MYO10: variants seen among roughly 807,000 people sequenced by gnomAD.
MYO10 encodes the protein unconventional myosin-X.
In MYO10, 133 loss-of-function variants were observed where a neutral mutation model predicts 257.3. That is an observed-to-expected ratio of 0.52 (90% CI 0.45 to 0.60). The LOEUF is 0.60. Ranked by LOEUF, MYO10 falls within the 20% of genes least tolerant of loss-of-function variation. The pLI, the probability that MYO10 is intolerant of heterozygous loss-of-function variation, is 0.00. For synonymous variants in MYO10, 1,104 were observed against 1,028.6 expected (o/e 1.07, Z -1.40); for missense variants, 2,399 against 2,635.7 (o/e 0.91, Z 1.97).
At chr5:16,787,680 T>C (rs1351055825) in intron 4 of MYO10, among the ~76,000 whole-genome samples, 5 of 137,896 alleles carry the variant, frequency 3.6e-5, no homozygotes, top group African/African-American at 1.4e-4. Flanking sequence ...CCCAAAGCAC[T>C]GATGGGGGGC....
chr5:16,666,402 C>A lies in MYO10; in HGVS notation c.*290G>T. 2.9e-6 allele frequency: 1 copy of A among 346,508 alleles called. No individual in the cohort carries two copies. Among genetic ancestry groups the A allele is most frequent in the Non-Finnish European group, 5.2e-6 (1 of 192,168 alleles). 21.5% of individuals were successfully genotyped at this position (346,508 alleles called of 1,614,324 possible). On this transcript the variant is annotated 3_prime_UTR_variant, in exon 41 of 41. Transcript: ENST00000513610. Reference sequence around the variant, plus strand: ...GTTGGTTCCACAAGTTAAGGCACTTCCGGCTGCTTTGGTGGCAGCGTGGTT... The same window carrying A: ...GTTGGTTCCACAAGTTAAGGCACTTACGGCTGCTTTGGTGGCAGCGTGGTT...
chr5:16,761,396 G>A, intron 17 of MYO10, 68 bp downstream of exon 17: 1 of 1,255,094 alleles, frequency 8.0e-7, no homozygotes, highest in Non-Finnish European at 1.2e-6. Flanking sequence ...CTATATTTGT[G>A]AATTAAAAGC....
chr5:16,874,342 AGC>A (rs1240962018), intron 2 of MYO10, among the ~76,000 whole-genome samples: 160 of 4,966 alleles, frequency 0.032, 6 homozygotes, highest in African/African-American at 0.068. Context: ...TAAAAAAAAA[AGC>A]GGGGGGGGGG....
chr5:16,905,785 A>G (rs1745503253), intron 1 of MYO10, among the ~76,000 whole-genome samples: 1 of 152,192 alleles, frequency 6.6e-6, no homozygotes, highest in Non-Finnish European at 1.5e-5. Flanking sequence ...TCCTGATTGC[A>G]AAGATCAGGA....
chr5:16,777,839 CTT>C lies in MYO10; in HGVS notation c.930+1704_930+1705del, dbSNP rs61326508. 4.0e-3 allele frequency among the ~76,000 whole-genome samples: 354 copies of C among 88,422 alleles called. 13 individuals carry two copies. The highest frequency in any genetic ancestry group is 8.6e-3 in the East Asian group (20 of 2,334). 58.0% of individuals were successfully genotyped at this position (88,422 alleles called of 152,430 possible). A position where few individuals can be genotyped will look rare whatever the true frequency, so the allele number is the denominator to read the frequency against. ...GCCACCCTAGGTGCATTGCATCTAA[CTT>C]TTTTTTTTTTTTTTTTTTTTTTTTT... On this transcript the variant is annotated intron_variant, in intron 9 of 40. Transcript: ENST00000513610.
intron 1 of MYO10, among the ~76,000 whole-genome samples, chr5:16,924,830 CTTTT>C (rs35010705): frequency 1.6e-5 from 2 of 124,368 alleles, no homozygotes; most frequent in Non-Finnish European, 3.2e-5. Flanking sequence ...CACTTTATCA[CTTTT>C]TTTTTTTTTT....
At chr5:16,816,205 A>G (rs1742602137) in intron 3 of MYO10, among the ~76,000 whole-genome samples, 1 of 151,784 alleles carries the variant, frequency 6.6e-6, no homozygotes. Flanking sequence ...TGGGCGTGGT[A>G]GCACACGCCT....
At position 16,874,349 on chromosome 5, in the gene MYO10, G is replaced by C. The variant is rs370301821; in HGVS notation, c.120+3260C>G. Among the ~76,000 whole-genome samples, 28 of 105,448 alleles carry C rather than the reference G, an allele frequency of 2.7e-4. 4 individuals carry two copies. Among genetic ancestry groups the C allele is most frequent in the South Asian group, 5.2e-4 (1 of 1,920 alleles). 69.2% of individuals were successfully genotyped at this position (105,448 alleles called of 152,430 possible). A position where few individuals can be genotyped will look rare whatever the true frequency, so the allele number is the denominator to read the frequency against. ...ACTCCATCTAAAAAAAAAAGCGGGG[G>C]GGGGGGGGGGTTTCTTTTCTATCAC... On this transcript the variant is annotated intron_variant, in intron 2 of 40. Transcript: ENST00000513610.
intron 19 of MYO10, among the ~76,000 whole-genome samples, chr5:16,738,716 C>A (rs1161624585): frequency 6.6e-6 from 1 of 151,826 alleles, no homozygotes; most frequent in Non-Finnish European, 1.5e-5. Context: ...CATGGTGAAA[C>A]CCTGTCTCTA....
At chr5:16,909,202 C>G (rs1745592774) in intron 1 of MYO10, among the ~76,000 whole-genome samples, 1 of 152,256 alleles carries the variant, frequency 6.6e-6, no homozygotes, top group Admixed American at 6.5e-5. Flanking sequence ...TCCAGGGGAA[C>G]TGCCCTTTAT....
At position 16,701,510 on chromosome 5, in the gene MYO10, G is replaced by A. The variant is rs201289093; in HGVS notation, c.2885C>T (p.Ser962Leu). The change falls in exon 25 of 41, where the codon TCG becomes TTG. Residue 962 changes from serine to leucine, a missense_variant. Physicochemically the swap from Ser to Leu is moderately radical, Grantham distance 145. Coordinates refer to ENST00000513610, the MANE Select transcript of MYO10 (RefSeq NM_012334.3). This position sits in a 1 kb window ranked among gnomAD's most constrained non-coding sequence, Gnocchi z 8.1. ...ECVRNIERSL[S>L]VGSEFSSELA... ...CTCGCTGGAAAATTCGCTTCCCACC[G>A]ACAGGGACCGCTCGATATTCCGGAC... 45 of 1,613,970 alleles carry A rather than the reference G, an allele frequency of 2.8e-5. No individual in the cohort carries two copies. Among genetic ancestry groups the A allele is most frequent in the Middle Eastern group, 1.6e-4 (1 of 6,062 alleles).
chr5:16,836,659 A>AT (rs1240376368), intron 2 of MYO10, among the ~76,000 whole-genome samples: 2 of 152,190 alleles, frequency 1.3e-5, no homozygotes, highest in African/African-American at 4.8e-5. Flanking sequence ...TTGGATCAGG[A>AT]TTTTTTTAAA....
At chr5:16,822,269 A>AC (rs1742843694) in intron 2 of MYO10, among the ~76,000 whole-genome samples, 1 of 152,058 alleles carries the variant, frequency 6.6e-6, no homozygotes, top group East Asian at 1.9e-4. Flanking sequence ...AAGTTGGAAA[A>AC]AAAAAACGAG....
rs1329454618 is a variant in MYO10 at position 16,826,675 on chromosome 5, A to G, written c.121-8508T>C. ...GCTCTCTGATGAAAATCTATTTGTC[A>G]TAACACTCTCTTCTCCTATTTTAAT... On this transcript the variant is annotated intron_variant, in intron 2 of 40. Coordinates refer to ENST00000513610, the MANE Select transcript of MYO10 (RefSeq NM_012334.3). Among the ~76,000 whole-genome samples the G allele has an allele frequency of 2.0e-5, 3 of 152,178 alleles. No homozygotes were observed. In the East Asian group the frequency reaches 5.8e-4, roughly 29 times the overall value.
intron 38 of MYO10, 76 bp downstream of exon 38, chr5:16,671,346 A>G: frequency 1.3e-6 from 2 of 1,535,018 alleles, no homozygotes; most frequent in Non-Finnish European, 1.8e-6. Flanking sequence ...GTACCAGTTA[A>G]CTTACAAGGC....
intron 3 of MYO10, among the ~76,000 whole-genome samples, chr5:16,813,551 TAA>T (rs368633982): frequency 2.3e-4 from 28 of 123,762 alleles, no homozygotes; most frequent in Non-Finnish European, 2.4e-4. Context: ...ACCCTGGCTC[TAA>T]AAAAAAAAAA....
intron 19 of MYO10, among the ~76,000 whole-genome samples, chr5:16,715,325 T>C (rs932393546): frequency 3.3e-5 from 5 of 151,130 alleles, no homozygotes; most frequent in Non-Finnish European, 7.4e-5. Flanking sequence ...AATGTAGTCA[T>C]GTACCACATA....
intron 11 of MYO10, 146 bp from the exon 12 acceptor site, chr5:16,764,542 G>T: frequency 2.7e-6 from 2 of 749,452 alleles, no homozygotes; most frequent in South Asian, 2.0e-5. Context: ...ATCTAGGAAA[G>T]GACAGATATC....
At chr5:16,884,977 C>T (rs1744856272) in intron 1 of MYO10, among the ~76,000 whole-genome samples, 1 of 152,176 alleles carries the variant, frequency 6.6e-6, no homozygotes, top group Non-Finnish European at 1.5e-5. Flanking sequence ...ACTCTGTTGT[C>T]TAAATCCCAT....
Sources: allele counts gnomAD v4.1 joint callset (sites outside exome capture counted in the v4.1 genomes callset), GRCh38; gene constraint gnomAD v4.1.1; non-coding constraint Gnocchi (gnomAD v3.1); transcripts MANE v1.5; gene names NCBI Gene and HGNC (gene_info 2026-07-23, HGNC 2026-07-21).